Variants in EXOC6B observed in about 807,000 individuals in gnomAD.
EXOC6B encodes the protein exocyst complex component 6B, also known as SEC15 homolog B.
A neutral mutation model predicts 113.5 loss-of-function variants in EXOC6B; 54 were observed. The ratio of observed to expected loss-of-function variants is 0.48; its 90% CI spans 0.38 to 0.60. EXOC6B has a LOEUF of 0.60. EXOC6B is among the 20% of genes least tolerant of loss of function. The pLI, the probability that EXOC6B is intolerant of heterozygous loss-of-function variation, is 0.00. For missense variants in EXOC6B, 797 were observed against 977.5 expected (o/e 0.82, Z 2.46); for synonymous variants, 357 against 339.0 (o/e 1.05, Z -0.58).
intron 1 of EXOC6B, among the ~76,000 whole-genome samples, chr2:72,820,277 T>A (rs1686506685): frequency 6.6e-6 from 1 of 152,112 alleles, no homozygotes; most frequent in East Asian, 1.9e-4. Flanking sequence ...TAAGGCAAAG[T>A]TCTAGAAGGA....
In EXOC6B at chr2:72,712,113, T is replaced by C. The variant is rs79583783; in HGVS notation, c.669+5990A>G. The stretch of plus-strand genomic sequence containing the variant: ...ATTTTTCTGCAGCTTCCCAGGTATA[T>C]TGGAAGAAAGACAGAAGACTGAGAG... On this transcript the variant is annotated intron_variant, in intron 6 of 21. Coordinates refer to ENST00000272427, the MANE Select transcript of EXOC6B (RefSeq NM_015189.3). 9.7e-3 allele frequency among the ~76,000 whole-genome samples: 1,474 copies of C among 152,268 alleles called. 9 individuals carry two copies. The highest frequency in any genetic ancestry group is 0.015 in the Non-Finnish European group (1,002 of 68,018).
chr2:72,613,460 T>TA (rs1474435808), intron 6 of EXOC6B, among the ~76,000 whole-genome samples: 1 of 151,836 alleles, frequency 6.6e-6, no homozygotes, highest in Non-Finnish European at 1.5e-5. Context: ...GAAAATGCAA[T>TA]AAAAAGCCCA....
intron 20 of EXOC6B, among the ~76,000 whole-genome samples, chr2:72,219,305 T>C (rs1404604918): frequency 6.6e-6 from 1 of 152,088 alleles, no homozygotes; most frequent in Non-Finnish European, 1.5e-5. Flanking sequence ...AGGGCAGGAC[T>C]ATATGATCTT....
chr2:72,587,466 A>G (rs1705663200), intron 6 of EXOC6B, among the ~76,000 whole-genome samples: 2 of 152,200 alleles, frequency 1.3e-5, no homozygotes, highest in Non-Finnish European at 2.9e-5. Context: ...ACTGTTGGAT[A>G]CTATGCTCAC....
At chr2:72,808,845 G>C (rs1201810001) in intron 1 of EXOC6B, among the ~76,000 whole-genome samples, 5 of 152,102 alleles carry the variant, frequency 3.3e-5, no homozygotes, top group Non-Finnish European at 7.3e-5. Flanking sequence ...GGCAGAGGCA[G>C]AATTCCTCAA....
chr2:72,636,331 GGGAAGGAAGGAAGGAA>G (rs1413671048), intron 6 of EXOC6B, among the ~76,000 whole-genome samples: 3 of 80,810 alleles, frequency 3.7e-5, no homozygotes, highest in African/African-American at 1.1e-4. Flanking sequence ...GAGGGAAGGA[GGGAAGGAAGGAAGGAA>G]GGAAGGAAGG....
intron 17 of EXOC6B, 130 bp downstream of exon 17, chr2:72,480,485 CA>C: frequency 2.3e-6 from 2 of 859,212 alleles, no homozygotes; most frequent in Non-Finnish European, 3.3e-6. Context: ...GAAGGGAAAC[CA>C]AACATATCAT....
chr2:72,631,426 G>GTGTGTGTATA (rs1290760055), intron 6 of EXOC6B, among the ~76,000 whole-genome samples: 28 of 28,164 alleles, frequency 9.9e-4, no homozygotes, highest in African/African-American at 2.9e-3. Flanking sequence ...GTGTGTGTGT[G>GTGTGTGTATA]TATATATATA....
chr2:72,407,518 G>A (rs1055514356), intron 18 of EXOC6B, among the ~76,000 whole-genome samples: 1 of 152,130 alleles, frequency 6.6e-6, no homozygotes, highest in Non-Finnish European at 1.5e-5. Context: ...TATACACCAC[G>A]ATCAAGTGGG....
At chr2:72,287,982 G>A (rs905599772) in intron 20 of EXOC6B, among the ~76,000 whole-genome samples, 6 of 152,002 alleles carry the variant, frequency 3.9e-5, no homozygotes, top group Admixed American at 2.6e-4. Flanking sequence ...ACCTGAAAAG[G>A]CTATTTTATG....
intron 6 of EXOC6B, among the ~76,000 whole-genome samples, chr2:72,686,954 C>T (rs751889580): frequency 1.3e-5 from 2 of 151,938 alleles, no homozygotes; most frequent in Non-Finnish European, 2.9e-5. Context: ...CTGCCTAAGA[C>T]AGTGAAACCC....
rs1206297894 is a variant in EXOC6B at position 72,508,711 on chromosome 2, T to C, written c.1167+4421A>G. Among the ~76,000 whole-genome samples the C allele has an allele frequency of 1.3e-5, 2 of 151,826 alleles. 1 individual carries two copies. Among genetic ancestry groups the C allele is most frequent in the Non-Finnish European group, 2.9e-5 (2 of 67,950 alleles). On this transcript the variant is annotated intron_variant, in intron 11 of 21. Transcript: ENST00000272427. ...ACCACTTGAACCCAGAAGGCAGAGGTCGCAGTGAGCTGAGATCGCACCATT... is the reference window on the plus strand; with the variant it reads ...ACCACTTGAACCCAGAAGGCAGAGGCCGCAGTGAGCTGAGATCGCACCATT...
intron 20 of EXOC6B, among the ~76,000 whole-genome samples, chr2:72,200,850 A>C (rs916080947): frequency 6.6e-6 from 1 of 152,136 alleles, no homozygotes; most frequent in Non-Finnish European, 1.5e-5. Context: ...AATAAAAGAG[A>C]ATGTAAAATC....
At chr2:72,546,664 C>T (rs1046471183) in intron 8 of EXOC6B, among the ~76,000 whole-genome samples, 15 of 152,148 alleles carry the variant, frequency 9.9e-5, no homozygotes, top group African/African-American at 3.4e-4. Context: ...CAGAAGAATT[C>T]AGGAGACAAA....
At chr2:72,587,522 C>T (rs188698657) in intron 6 of EXOC6B, among the ~76,000 whole-genome samples, 11 of 152,094 alleles carry the variant, frequency 7.2e-5, no homozygotes, top group East Asian at 1.9e-4. Context: ...TAGAATCACA[C>T]GTGTAACAAA....
chr2:72,242,047 T>A (rs1286282722), intron 20 of EXOC6B, among the ~76,000 whole-genome samples: 1 of 151,642 alleles, frequency 6.6e-6, no homozygotes, highest in Non-Finnish European at 1.5e-5. Context: ...TACAAAAAAA[T>A]AAAATGAAAA....
intron 18 of EXOC6B, among the ~76,000 whole-genome samples, chr2:72,397,661 T>TAAAATAAAATAAAAAAA (rs1558625759): frequency 2.0e-5 from 2 of 102,110 alleles, no homozygotes; most frequent in African/African-American, 1.7e-4. Flanking sequence ...AAAATAAAAT[T>TAAAATAAAATAAAAAAA]ATATATATAT....
chr2:72,392,495 T>C (rs1414109516), intron 18 of EXOC6B, among the ~76,000 whole-genome samples: 1 of 152,232 alleles, frequency 6.6e-6, no homozygotes, highest in Non-Finnish European at 1.5e-5. Context: ...TTCTTTCCCC[T>C]GTTTTCTTTA....
chr2:72,262,586 C>T (rs1184677007), intron 20 of EXOC6B, among the ~76,000 whole-genome samples: 4 of 152,104 alleles, frequency 2.6e-5, no homozygotes, highest in African/African-American at 4.8e-5. Context: ...AAGCTATACT[C>T]ACCTTTTAAT....
Sources: gnomAD v4.1 joint callset for allele counts (sites outside exome capture counted in the v4.1 genomes callset) on GRCh38, gnomAD v4.1.1 for gene constraint, MANE v1.5 for transcripts, NCBI Gene and HGNC (gene_info 2026-07-23, HGNC 2026-07-21) for gene names.